The following TRPM3 variants were observed in gnomAD, a reference collection of about 807,000 sequenced individuals.
The protein encoded by TRPM3 is long transient receptor potential channel 3.
A neutral mutation model predicts 181.2 loss-of-function variants in TRPM3; 77 were observed. That is an observed-to-expected ratio of 0.42 (90% confidence interval 0.35 to 0.51). The LOEUF is 0.51. TRPM3 is among the 20% of genes least tolerant of loss of function. The pLI, the probability that TRPM3 is intolerant of heterozygous loss-of-function variation, is 0.01. For synonymous variants in TRPM3, 745 were observed against 796.4 expected (o/e 0.94, Z 1.09); for missense variants, 1,759 against 2,196.7 (o/e 0.80, Z 3.98).
intron 1 of TRPM3, among the ~76,000 whole-genome samples, chr9:71,365,095 A>G (rs1359529116): frequency 6.6e-6 from 1 of 152,186 alleles, no homozygotes; most frequent in East Asian, 1.9e-4. Flanking sequence ...ACTGACAAGG[A>G]CTTAAGCGCA....
In TRPM3 at chr9:71,171,549, G is replaced by C. The variant is rs12350014; in HGVS notation, c.183+275104C>G. ...ACGTGAATATCGGGGCAGGTTCCCC[G>C]ATACAAACTTTTACTATGTACTGAG... On this transcript the variant is annotated intron_variant, in intron 1 of 24. Coordinates refer to the TRPM3 transcript ENST00000357533. 6.0e-3 allele frequency among the ~76,000 whole-genome samples: 909 copies of C among 152,186 alleles called. 10 individuals are homozygous for C. The highest frequency in any genetic ancestry group is 0.021 in the African/African-American group (872 of 41,532).
At chr9:71,030,256 A>G (rs968020378) in intron 1 of TRPM3, among the ~76,000 whole-genome samples, 1 of 152,198 alleles carries the variant, frequency 6.6e-6, no homozygotes, top group African/African-American at 2.4e-5. Context: ...TTTCAATCCT[A>G]AATTTTAATG....
At chr9:70,761,834 G>A in intron 7 of TRPM3, 110 bp from the exon 8 acceptor site, 1 of 1,280,318 alleles carries the variant, frequency 7.8e-7, no homozygotes, top group Non-Finnish European at 1.0e-6. Context: ...TTAGATAGGA[G>A]TTATTTCTGT....
At chr9:71,011,839 T>C (rs12336377) in intron 1 of TRPM3, among the ~76,000 whole-genome samples, 6,488 of 148,222 alleles carry the variant, frequency 0.044, 230 homozygotes, top group African/African-American at 0.095. Flanking sequence ...TAGAGTGCAG[T>C]GATGTGATAG....
chr9:71,384,294 T>A (rs2092876433), intron 1 of TRPM3, among the ~76,000 whole-genome samples: 1 of 152,198 alleles, frequency 6.6e-6, no homozygotes, highest in South Asian at 2.1e-4. Flanking sequence ...GTCAATAACC[T>A]CTTTGGTAGT....
At chr9:71,300,813 G>A (rs2086700519) in intron 1 of TRPM3, among the ~76,000 whole-genome samples, 1 of 152,048 alleles carries the variant, frequency 6.6e-6, no homozygotes, top group Non-Finnish European at 1.5e-5. Context: ...ATCTTCTAAA[G>A]CCAATAATCA....
chr9:70,965,127 T>A (rs1045872360), intron 1 of TRPM3, among the ~76,000 whole-genome samples: 2 of 151,870 alleles, frequency 1.3e-5, no homozygotes, highest in African/African-American at 4.8e-5. Flanking sequence ...TTTTTATTTA[T>A]TTTTTTTAAA....
chr9:71,019,266 A>G (rs1281372548), intron 1 of TRPM3, among the ~76,000 whole-genome samples: 1 of 151,944 alleles, frequency 6.6e-6, no homozygotes, highest in East Asian at 1.9e-4. Context: ...GGTCAGTGCA[A>G]TAAAATAATA....
chr9:71,016,235 GGTGT>G (rs145080356), intron 1 of TRPM3, among the ~76,000 whole-genome samples: 98,213 of 146,102 alleles, frequency 0.67, 32,253 homozygotes, highest in South Asian at 0.72. Context: ...ATACATGTGT[GGTGT>G]GTGTGTGTGT....
intron 1 of TRPM3, among the ~76,000 whole-genome samples, chr9:71,409,265 C>T (rs1285880589): frequency 6.6e-6 from 1 of 152,106 alleles, no homozygotes; most frequent in Non-Finnish European, 1.5e-5. Flanking sequence ...ACAATATTAA[C>T]CTTAAATGTA....
At chr9:71,070,990 C>G (rs2062689396) in intron 1 of TRPM3, among the ~76,000 whole-genome samples, 1 of 152,136 alleles carries the variant, frequency 6.6e-6, no homozygotes, top group Admixed American at 6.5e-5. Flanking sequence ...TGGAATGAGT[C>G]CAATGGGACC....
chr9:70,888,466 T>C (rs2132804490), intron 1 of TRPM3, among the ~76,000 whole-genome samples: 1 of 152,096 alleles, frequency 6.6e-6, no homozygotes, highest in East Asian at 1.9e-4. Flanking sequence ...CAGATATGTA[T>C]TCTCCAAGCC....
chr9:70,677,991 C>G (rs1008646470), intron 9 of TRPM3, among the ~76,000 whole-genome samples: 2 of 150,536 alleles, frequency 1.3e-5, no homozygotes, highest in Non-Finnish European at 2.9e-5. Flanking sequence ...TAAGTCCCCA[C>G]TTGGGGACAT....
At position 70,616,088 on chromosome 9, in the gene TRPM3, T is replaced by C. The variant is rs373577470; in HGVS notation, c.2359-13A>G. 5.3e-6 allele frequency: 8 copies of C among 1,519,786 alleles called. No individual in the cohort carries two copies. Among genetic ancestry groups the C allele is most frequent in the Non-Finnish European group, 6.2e-6 (7 of 1,128,662 alleles). The allele number at this position is 1,519,786 out of a possible 1,614,324, so 94.1% of individuals were successfully genotyped here. On this transcript the variant is annotated splice_polypyrimidine_tract_variant and intron_variant, in intron 17 of 25. Coordinates refer to ENST00000677713, the MANE Select transcript of TRPM3 (RefSeq NM_001366145.2). ...TTCCCAGAATTACCTAAAGTAATAA[T>C]AATGATAATAATAATAATCACATTT... is the stretch of plus-strand genomic sequence containing the variant.
intron 1 of TRPM3, among the ~76,000 whole-genome samples, chr9:71,311,318 A>T (rs552124645): frequency 3.9e-5 from 6 of 152,308 alleles, no homozygotes; most frequent in African/African-American, 1.4e-4. Flanking sequence ...GAATGCAATT[A>T]TTTTGCAGAA....
chr9:70,978,905 C>A (rs2097334410), intron 1 of TRPM3, among the ~76,000 whole-genome samples: 5 of 152,116 alleles, frequency 3.3e-5, no homozygotes, highest in African/African-American at 1.2e-4. Context: ...TGATACTTTT[C>A]CCACAAATGT....
At chr9:71,210,682 C>A (rs2079437833) in intron 1 of TRPM3, among the ~76,000 whole-genome samples, 1 of 152,216 alleles carries the variant, frequency 6.6e-6, no homozygotes. Flanking sequence ...GTTCTCTACA[C>A]AGTTGGCACG....
chr9:70,579,757 T>G (rs1229090070), intron 22 of TRPM3, among the ~76,000 whole-genome samples: 5 of 152,222 alleles, frequency 3.3e-5, no homozygotes, highest in Non-Finnish European at 2.9e-5. Context: ...TAGAAGACAG[T>G]GTTTGGAGGC....
At chr9:70,619,370 AG>A (rs1451503973) in intron 16 of TRPM3, among the ~76,000 whole-genome samples, 1 of 150,734 alleles carries the variant, frequency 6.6e-6, no homozygotes, top group Admixed American at 6.6e-5. Context: ...AGGTGGAGCA[AG>A]CAATCAATAG....
Sources: gnomAD v4.1 joint callset for allele counts (sites outside exome capture counted in the v4.1 genomes callset) on GRCh38, gnomAD v4.1.1 for gene constraint, MANE v1.5 for transcripts, NCBI Gene and HGNC (gene_info 2026-07-23, HGNC 2026-07-21) for gene names.